Variants in RHOH observed in about 807,000 individuals in gnomAD.
RHOH encodes rho-related GTP-binding protein RhoH.
RHOH carries 6 observed loss-of-function variants against 13.8 expected under a neutral mutation model. The observed-to-expected ratio is 0.44, with a 90% CI of 0.24 to 0.86. The LOEUF (loss-of-function observed/expected upper bound fraction) is 0.86, where lower values mean the gene tolerates loss of function less well. Ranked by LOEUF, RHOH falls within the 40% of genes least tolerant of loss-of-function variation. RHOH has a pLI of 0.24. For synonymous variants in RHOH, 117 were observed against 103.0 expected (o/e 1.14, Z -0.82); for missense variants, 147 against 244.5 (o/e 0.60, Z 2.66).
chr4:40,207,201 A>G (rs1724749633), intron 1 of RHOH, among the ~76,000 whole-genome samples: 1 of 150,944 alleles, frequency 6.6e-6, no homozygotes, highest in Non-Finnish European at 1.5e-5. Flanking sequence ...CTGAGACTCC[A>G]TCTCAAAAAA....
upstream of RHOH, among the ~76,000 whole-genome samples, chr4:40,196,298 T>A: frequency 6.6e-6 from 1 of 152,346 alleles, no homozygotes; most frequent in East Asian, 1.9e-4. Flanking sequence ...CAGGCGGTTG[T>A]GACCACATCA....
intron 1 of RHOH, among the ~76,000 whole-genome samples, chr4:40,239,077 A>ATATTT (rs1286734131): frequency 6.6e-6 from 1 of 152,084 alleles, no homozygotes; most frequent in Non-Finnish European, 1.5e-5. Flanking sequence ...GGCATCTGCC[A>ATATTT]AGGCTCCTCC....
At chr4:40,195,705 T>C (rs75389841), upstream of RHOH, among the ~76,000 whole-genome samples, 8,222 of 152,130 alleles carry the variant, frequency 0.054, 251 homozygotes, top group Middle Eastern at 0.085. Flanking sequence ...CTCAGCCTCC[T>C]AAAGTGCTGG....
Position 40,243,994 on chromosome 4 carries a change from T to G in RHOH, c.*32T>G, listed in dbSNP as rs368245892. On this transcript the variant is annotated 3_prime_UTR_variant, in exon 3 of 3. Coordinates refer to ENST00000381799, the MANE Select transcript of RHOH (RefSeq NM_004310.5). The surrounding 1 kb of genome is among the most constrained non-coding windows in gnomAD (Gnocchi z 6.2). ...AGAGACTTCACACAACACTTATGTA[T>G]GCACCCCAAAGACTAATGGGGAGAG... 5 of 1,550,752 alleles carry G rather than the reference T, an allele frequency of 3.2e-6. No individual in the cohort carries two copies. Among genetic ancestry groups the G allele is most frequent in the Non-Finnish European group, 4.4e-6 (5 of 1,140,240 alleles).
chr4:40,202,497 C>T (rs151224774), intron 1 of RHOH, among the ~76,000 whole-genome samples: 2 of 152,232 alleles, frequency 1.3e-5, no homozygotes, highest in African/African-American at 4.8e-5. Context: ...ATTTGGAGAA[C>T]ACCTGTTAAT....
intron 1 of RHOH, among the ~76,000 whole-genome samples, chr4:40,204,228 T>C (rs573046014): frequency 6.6e-6 from 1 of 152,318 alleles, no homozygotes; most frequent in African/African-American, 2.4e-5. Flanking sequence ...GATGATTCTT[T>C]TACTTTAATC....
chr4:40,233,294 A>G (rs1728164947), intron 1 of RHOH, among the ~76,000 whole-genome samples: 2 of 151,786 alleles, frequency 1.3e-5, no homozygotes, highest in Admixed American at 1.3e-4. Flanking sequence ...ATTATTGCCT[A>G]TTTACAATTA....
At chr4:40,199,466 A>G (rs762338097) in intron 1 of RHOH, among the ~76,000 whole-genome samples, 5 of 152,190 alleles carry the variant, frequency 3.3e-5, no homozygotes, top group African/African-American at 4.8e-5. Context: ...TCTAGTGAGA[A>G]TACATATGAA....
intron 1 of RHOH, chr4:40,205,795 C>G (rs535430509): frequency 6.6e-6 from 1 of 152,122 alleles, no homozygotes; most frequent in South Asian, 2.1e-4. Context: ...ATCTTCATCC[C>G]TCCGGAGAAA....
chr4:40,193,138 C>T (rs953470938), upstream of RHOH: 7 of 152,344 alleles, frequency 4.6e-5, no homozygotes, highest in African/African-American at 1.4e-4. Flanking sequence ...GTGCTCTGGC[C>T]GTGTTAACAC....
chr4:40,193,677 C>T, upstream of RHOH: 1 of 152,458 alleles, frequency 6.6e-6, no homozygotes, highest in Non-Finnish European at 1.5e-5. Context: ...GCGTGTAGGT[C>T]AGGAGCAGGA....
At chr4:40,204,143 AC>A (rs2109370088) in intron 1 of RHOH, among the ~76,000 whole-genome samples, 1 of 152,356 alleles carries the variant, frequency 6.6e-6, no homozygotes, top group South Asian at 2.1e-4. Flanking sequence ...TATCTGCTTC[AC>A]CTGGCTTTGG....
intron 1 of RHOH, among the ~76,000 whole-genome samples, chr4:40,204,570 A>G (rs915549247): frequency 2.0e-5 from 3 of 152,204 alleles, no homozygotes; most frequent in Admixed American, 2.0e-4. Flanking sequence ...CCTAGGGGAT[A>G]TAAGGACCCT....
rs1392729145 is a variant in RHOH at position 40,243,324 on chromosome 4, T to A, written c.-63T>A. The A allele has an allele frequency of 7.0e-7, 1 of 1,425,724 alleles. No homozygotes were observed. Among genetic ancestry groups the A allele is most frequent in the African/African-American group, 1.4e-5 (1 of 70,040 alleles). The allele number at this position is 1,425,724 out of a possible 1,614,324, so 88.3% of individuals were successfully genotyped here. On this transcript the variant is annotated 5_prime_UTR_variant, in exon 3 of 3. Transcript: ENST00000381799. The surrounding 1 kb of genome is among the most constrained non-coding windows in gnomAD (Gnocchi z 6.2). ...CTTGCTGAATGGCGTGTGCTGCAGC[T>A]GCCCACTGAGGGCTCTTTTCCCTGG...
At position 40,238,976 on chromosome 4, in the gene RHOH, G is replaced by A. The variant is rs768209509; in HGVS notation, c.-330-3738G>A. Reference sequence around the variant, plus strand: ...CTCCTGGACACATGTGACCCATTCTGAAGATTATCTGTCATGTCCTTATAG... The same window carrying A: ...CTCCTGGACACATGTGACCCATTCTAAAGATTATCTGTCATGTCCTTATAG... On this transcript the variant is annotated intron_variant, in intron 1 of 2. Coordinates refer to ENST00000381799, the MANE Select transcript of RHOH (RefSeq NM_004310.5). 1.4e-4 allele frequency among the ~76,000 whole-genome samples: 22 copies of A among 152,106 alleles called. 1 individual carries two copies. Among genetic ancestry groups the A allele is most frequent in the Non-Finnish European group, 4.4e-5 (3 of 68,024 alleles).
intron 1 of RHOH, among the ~76,000 whole-genome samples, chr4:40,234,659 T>G (rs966967227): frequency 2.6e-5 from 4 of 152,082 alleles, no homozygotes; most frequent in African/African-American, 7.2e-5. Context: ...ATAAAGGGGT[T>G]TAATATGCTT....
rs180841870 is a variant in RHOH at position 40,200,751 on chromosome 4, C to T, written c.-331+3451C>T. On this transcript the variant is annotated intron_variant, in intron 1 of 2. Coordinates refer to ENST00000381799, the MANE Select transcript of RHOH (RefSeq NM_004310.5). ...TCATACCCGCATTTTAACACGCAAA[C>T]GTACGGTGCCGCTCATTTAAAAACC... 3.2e-4 allele frequency among the ~76,000 whole-genome samples: 49 copies of T among 152,294 alleles called. No homozygotes were observed. In the East Asian group the frequency reaches 8.9e-3, roughly 28 times the overall value.
intron 1 of RHOH, among the ~76,000 whole-genome samples, chr4:40,199,236 A>G (rs185087007): frequency 4.1e-4 from 62 of 152,322 alleles, no homozygotes; most frequent in Admixed American, 1.4e-3. Flanking sequence ...ACTGAAAAAA[A>G]AATCTCTCAA....
rs537688818 is a variant in RHOH at position 40,239,086 on chromosome 4, C to T, written c.-330-3628C>T. On this transcript the variant is annotated intron_variant, in intron 1 of 2. Transcript: ENST00000381799. ...TATTTAGGCATCTGCCAAGGCTCCT[C>T]CCCTCCTCAAGGCTTATCATCCATC... is the stretch of plus-strand genomic sequence containing the variant. 7.2e-5 allele frequency among the ~76,000 whole-genome samples: 11 copies of T among 152,350 alleles called. No individual in the cohort carries two copies. The South Asian group carries it at 2.1e-3, about 29-fold the overall frequency.
Sources: allele counts gnomAD v4.1 joint callset (sites outside exome capture counted in the v4.1 genomes callset), GRCh38; gene constraint gnomAD v4.1.1; non-coding constraint Gnocchi (gnomAD v3.1); transcripts MANE v1.5; gene names NCBI Gene and HGNC (gene_info 2026-07-23, HGNC 2026-07-21).